The following UBE2E2 variants were observed in gnomAD, a reference collection of about 807,000 sequenced individuals.
The protein encoded by UBE2E2 is ubiquitin-conjugating enzyme E2 E2.
A neutral mutation model predicts 24.7 loss-of-function variants in UBE2E2; 6 were observed. The observed-to-expected ratio is 0.24, with a 90% CI of 0.13 to 0.48. The LOEUF is 0.48. Among genes scored for constraint, UBE2E2 ranks in the 20% least tolerant of loss-of-function variants. The probability of loss-of-function intolerance (pLI) is 0.99; values close to 1 mark genes in which losing one functional copy is unlikely to be tolerated. For missense variants in UBE2E2, 169 were observed against 245.0 expected (o/e 0.69, Z 2.07); for synonymous variants, 104 against 83.6 (o/e 1.24, Z -1.33).
At chr3:23,204,652 A>C in intron 1 of UBE2E2, 1 of 975,566 alleles carries the variant, frequency 1.0e-6, no homozygotes, top group Non-Finnish European at 1.2e-6. Context: ...GAGTGTTTTC[A>C]TATAATGCCA....
At chr3:23,351,735 A>G (rs1172024100) in intron 3 of UBE2E2, among the ~76,000 whole-genome samples, 2 of 152,222 alleles carry the variant, frequency 1.3e-5, no homozygotes, top group Admixed American at 6.5e-5. Context: ...TTCATAAAGC[A>G]AGTCCTTAGT....
chr3:23,326,072 TTTTA>T (rs1694882999), intron 3 of UBE2E2, among the ~76,000 whole-genome samples: 1 of 152,206 alleles, frequency 6.6e-6, no homozygotes, highest in Non-Finnish European at 1.5e-5. Flanking sequence ...AATCTTTTAT[TTTTA>T]TTTATTTATT....
At chr3:23,503,347 A>T (rs1261899669) in intron 4 of UBE2E2, among the ~76,000 whole-genome samples, 1 of 149,506 alleles carries the variant, frequency 6.7e-6, no homozygotes, top group African/African-American at 2.5e-5. Context: ...CTGCCACCAC[A>T]CTCGGCCTAT....
intron 3 of UBE2E2, among the ~76,000 whole-genome samples, chr3:23,318,196 G>T (rs973131724): frequency 4.6e-5 from 7 of 151,944 alleles, no homozygotes; most frequent in Non-Finnish European, 7.4e-5. Flanking sequence ...ACAGGGTCTT[G>T]CTCTGTCTCC....
chr3:23,340,742 C>T (rs1034178491), intron 3 of UBE2E2, among the ~76,000 whole-genome samples: 3 of 152,142 alleles, frequency 2.0e-5, no homozygotes, highest in African/African-American at 7.2e-5. Flanking sequence ...AGACTGAATG[C>T]TGGGAGCAAT....
intron 3 of UBE2E2, among the ~76,000 whole-genome samples, chr3:23,223,024 C>CTTTTTTTTTTTTT (rs1559445348): frequency 9.8e-6 from 1 of 101,768 alleles, no homozygotes; most frequent in African/African-American, 3.7e-5. Context: ...GCCCCCCCCC[C>CTTTTTTTTTTTTT]CTTTTTTTTT....
chr3:23,257,527 CCACTTT>C (rs1697767836), intron 3 of UBE2E2, among the ~76,000 whole-genome samples: 5 of 14,286 alleles, frequency 3.5e-4, no homozygotes, highest in East Asian at 2.9e-3. Context: ...CCCCCCCCCC[CCACTTT>C]TTTTTTTTTT....
chr3:23,498,352 A>G lies in UBE2E2; in HGVS notation c.228-1256A>G, dbSNP rs144511732. On this transcript the variant is annotated intron_variant, in intron 3 of 5. Transcript: ENST00000396703. Reference sequence around the variant, plus strand: ...TTTTTCAAATATAAAAACTTTTCCTAGTCCCATCAGTTGACATAAATCAGG... The same window carrying G: ...TTTTTCAAATATAAAAACTTTTCCTGGTCCCATCAGTTGACATAAATCAGG... Among the ~76,000 whole-genome samples, 3 of 152,338 alleles carry G rather than the reference A, an allele frequency of 2.0e-5. No homozygotes were observed. The East Asian group carries it at 5.8e-4, about 29-fold the overall frequency.
intron 3 of UBE2E2, among the ~76,000 whole-genome samples, chr3:23,257,740 C>G (rs963848403): frequency 1.3e-5 from 2 of 151,588 alleles, no homozygotes; most frequent in African/African-American, 4.9e-5. Flanking sequence ...ATTAAAATTA[C>G]TTTTATCTCT....
intron 5 of UBE2E2, among the ~76,000 whole-genome samples, chr3:23,550,302 A>G (rs1026134610): frequency 1.3e-5 from 2 of 152,172 alleles, no homozygotes; most frequent in African/African-American, 4.8e-5. Flanking sequence ...CCTATAATGT[A>G]CAAACTGTAT....
At chr3:23,418,755 G>A (rs1372518516) in intron 3 of UBE2E2, among the ~76,000 whole-genome samples, 3 of 152,162 alleles carry the variant, frequency 2.0e-5, no homozygotes, top group Non-Finnish European at 4.4e-5. Context: ...TGACTCTTCA[G>A]AACAACAGTG....
chr3:23,590,034 C>T lies in UBE2E2; in HGVS notation c.*203C>T. On this transcript the variant is annotated 3_prime_UTR_variant, in exon 6 of 6. Transcript: ENST00000396703. ...CTCTCCCACGCTCTCTTTTATCTCT[C>T]ATTTTATTCCCTTGTTGATTTCTGT... 1 of 493,888 alleles carries T rather than the reference C, an allele frequency of 2.0e-6. No individual in the cohort carries two copies. The highest frequency in any genetic ancestry group is 3.6e-6 in the Non-Finnish European group (1 of 276,812). 30.6% of individuals were successfully genotyped at this position (493,888 alleles called of 1,614,324 possible). A position where few individuals can be genotyped will look rare whatever the true frequency, so the allele number is the denominator to read the frequency against.
At chr3:23,435,936 T>C (rs1158203186) in intron 3 of UBE2E2, among the ~76,000 whole-genome samples, 2 of 152,140 alleles carry the variant, frequency 1.3e-5, no homozygotes, top group African/African-American at 4.8e-5. Flanking sequence ...ATGAAACTCT[T>C]CTGCCTCAGA....
At chr3:23,300,849 A>G (rs1337660551) in intron 3 of UBE2E2, among the ~76,000 whole-genome samples, 2 of 152,120 alleles carry the variant, frequency 1.3e-5, no homozygotes, top group South Asian at 2.1e-4. Flanking sequence ...AGATTGGGGA[A>G]GTTCTCCTGG....
intron 1 of UBE2E2, among the ~76,000 whole-genome samples, 161 bp from the exon 2 acceptor site, chr3:23,208,531 A>G (rs1348988479): frequency 6.6e-6 from 1 of 152,178 alleles, no homozygotes; most frequent in Admixed American, 6.5e-5. Context: ...GGATGAAGGA[A>G]AAGTTTTAGC....
intron 3 of UBE2E2, among the ~76,000 whole-genome samples, chr3:23,475,637 A>G (rs1235589869): frequency 6.6e-6 from 1 of 152,094 alleles, no homozygotes; most frequent in Non-Finnish European, 1.5e-5. Context: ...AGGCTCGCAA[A>G]TCCAGTTTTT....
intron 3 of UBE2E2, among the ~76,000 whole-genome samples, chr3:23,343,350 T>A (rs1316872148): frequency 1.3e-5 from 2 of 151,856 alleles, no homozygotes; most frequent in African/African-American, 4.8e-5. Context: ...CTGAGGCAGG[T>A]GGATCACCTG....
Position 23,521,226 on chromosome 3 carries a change from G to T in UBE2E2, c.361-11328G>T, listed in dbSNP as rs79304040. Among the ~76,000 whole-genome samples the T allele has an allele frequency of 1.5e-3, 228 of 152,260 alleles. 2 individuals carry two copies. Among genetic ancestry groups the T allele is most frequent in the African/African-American group, 5.4e-3 (223 of 41,568 alleles). On this transcript the variant is annotated intron_variant, in intron 4 of 5. Transcript: ENST00000396703. ...CTGCGTCTTACAGAATTGCCTTGGG[G>T]AGTGTGAGACCTATAAAAAATGTAA...
chr3:23,515,793 C>T (rs1439807131), intron 4 of UBE2E2, among the ~76,000 whole-genome samples: 1 of 113,784 alleles, frequency 8.8e-6, no homozygotes, highest in Non-Finnish European at 1.8e-5. Context: ...CGCATCTCTA[C>T]AAAAAGAAAA....
Sources: gnomAD v4.1 joint callset for allele counts (sites outside exome capture counted in the v4.1 genomes callset) on GRCh38, gnomAD v4.1.1 for gene constraint, MANE v1.5 for transcripts, NCBI Gene and HGNC (gene_info 2026-07-23, HGNC 2026-07-21) for gene names.